SNX6: variants seen among roughly 807,000 people sequenced by gnomAD.
The protein encoded by SNX6 is sorting nexin 6, also known as sorting nexin-6.
A neutral mutation model predicts 63.0 loss-of-function variants in SNX6; 34 were observed. The ratio of observed to expected loss-of-function variants is 0.54; its 90% CI spans 0.41 to 0.72. The LOEUF (loss-of-function observed/expected upper bound fraction) is 0.72, where lower values mean the gene tolerates loss of function less well. Among genes scored for constraint, SNX6 ranks in the 30% least tolerant of loss-of-function variants. SNX6 has a pLI of 0.00. For synonymous variants in SNX6, 170 were observed against 164.2 expected (o/e 1.04, Z -0.27); for missense variants, 398 against 471.4 (o/e 0.84, Z 1.44).
chr14:34,598,907 G>A (rs1008478910), intron 6 of SNX6, among the ~76,000 whole-genome samples: 1 of 152,106 alleles, frequency 6.6e-6, no homozygotes, highest in Non-Finnish European at 1.5e-5. Flanking sequence ...AAAAATAGGT[G>A]GGGCTTTTGA....
rs190411523 is a variant in SNX6, at chr14:34,626,830, T to C, written c.54+3077A>G. Among the ~76,000 whole-genome samples, 266 of 152,322 alleles carry C rather than the reference T, an allele frequency of 1.7e-3. 4 individuals carry two copies. Among genetic ancestry groups the C allele is most frequent in the Middle Eastern group, 0.014 (4 of 294 alleles). ...AAATTAGTATTTTTACTGAACATTA[T>C]TAAGATCCTCCAAGAAAGCAAATCC... On this transcript the variant is annotated intron_variant, in intron 2 of 13. Coordinates refer to ENST00000362031, the MANE Select transcript of SNX6 (RefSeq NM_152233.4).
chr14:34,588,839 A>G (rs2138311595), intron 8 of SNX6, among the ~76,000 whole-genome samples: 1 of 152,320 alleles, frequency 6.6e-6, no homozygotes, highest in Admixed American at 6.5e-5. Context: ...ATGAAAATAT[A>G]AAGATTTTAG....
intron 2 of SNX6, among the ~76,000 whole-genome samples, chr14:34,617,590 A>G (rs1435321135): frequency 3.5e-5 from 5 of 142,496 alleles, no homozygotes; most frequent in African/African-American, 1.3e-4. Flanking sequence ...CCTGGGTGAC[A>G]GAGTGAGACC....
chr14:34,575,570 T>C (rs564179589), intron 11 of SNX6, 186 bp downstream of exon 11: 2 of 271,218 alleles, frequency 7.4e-6, no homozygotes, highest in Admixed American at 1.1e-4. Flanking sequence ...ATGTAGGGTT[T>C]CCCACATGAA....
At chr14:34,604,109 G>A (rs568926900) in intron 5 of SNX6, 57 of 1,223,180 alleles carry the variant, frequency 4.7e-5, no homozygotes, top group African/African-American at 2.2e-4. Context: ...CTTCAACTAC[G>A]TGCAAGAAGG....
rs1175937109 is a variant in SNX6 at position 34,609,653 on chromosome 14, G to T, written c.144C>A (p.Phe48Leu). 6.2e-7 allele frequency: 1 copy of T among 1,606,664 alleles called. No homozygotes were observed. ...DALSERDKVKFTVHTKSSLPN... is the reference protein window; with the variant it reads ...DALSERDKVKLTVHTKSSLPN... ...TCACATTTACCTTTGTGTGAACAGTGAATTTTACTTTATCCCGCTCACTAA... is the reference window on the plus strand; with the variant it reads ...TCACATTTACCTTTGTGTGAACAGTTAATTTTACTTTATCCCGCTCACTAA... Residue 48 changes from phenylalanine to leucine, a missense_variant, in exon 3 of 14, where the codon TTC becomes TTA. Transcript: ENST00000362031.
intron 2 of SNX6, among the ~76,000 whole-genome samples, chr14:34,626,131 A>G (rs1461734580): frequency 6.6e-6 from 1 of 152,186 alleles, no homozygotes; most frequent in African/African-American, 2.4e-5. Context: ...AACAATGATT[A>G]TGCTGTGCCC....
At chr14:34,565,246 T>C (rs1348100625) in intron 13 of SNX6, among the ~76,000 whole-genome samples, 2 of 151,052 alleles carry the variant, frequency 1.3e-5, no homozygotes, top group Non-Finnish European at 3.0e-5. Context: ...CCCGGCTAAT[T>C]TTTTGTATTT....
chr14:34,578,035 C>A (rs1004270830), intron 10 of SNX6, among the ~76,000 whole-genome samples: 1 of 144,214 alleles, frequency 6.9e-6, no homozygotes, highest in African/African-American at 2.6e-5. Flanking sequence ...GAAACCCCAC[C>A]CCCCCGTCTC....
At chr14:34,603,497 G>A in intron 5 of SNX6, 26 bp from the exon 6 acceptor site, 2 of 1,525,258 alleles carry the variant, frequency 1.3e-6, no homozygotes, top group Non-Finnish European at 1.8e-6. Context: ...AAAATTAAAG[G>A]TAAAAAACTC....
At chr14:34,594,562 A>G (rs1277119711) in intron 7 of SNX6, among the ~76,000 whole-genome samples, 1 of 151,966 alleles carries the variant, frequency 6.6e-6, no homozygotes, top group Non-Finnish European at 1.5e-5. Context: ...TCATGTTGTC[A>G]TGTTGCCCAG....
At chr14:34,578,937 C>A (rs1255615640) in intron 10 of SNX6, among the ~76,000 whole-genome samples, 9 of 22,542 alleles carry the variant, frequency 4.0e-4, no homozygotes, top group African/African-American at 6.6e-4. Context: ...GACTTCATCT[C>A]AAAAAAAAAA....
chr14:34,606,219 C>T (rs895681617), intron 4 of SNX6, among the ~76,000 whole-genome samples: 7 of 143,784 alleles, frequency 4.9e-5, no homozygotes, highest in Admixed American at 4.2e-4. Flanking sequence ...TTTTTGGAGA[C>T]GGTGTCTTGC....
At chr14:34,595,688 A>C (rs997659081) in intron 7 of SNX6, among the ~76,000 whole-genome samples, 4 of 152,234 alleles carry the variant, frequency 2.6e-5, no homozygotes, top group African/African-American at 9.6e-5. Context: ...GCCACAGCAC[A>C]TGCACTGTCA....
At chr14:34,612,334 T>A (rs920961036) in intron 2 of SNX6, among the ~76,000 whole-genome samples, 4 of 152,170 alleles carry the variant, frequency 2.6e-5, no homozygotes, top group African/African-American at 7.2e-5. Flanking sequence ...AATGTTACCT[T>A]ATATGTCAAT....
At chr14:34,603,528 G>A in intron 5 of SNX6, 57 bp from the exon 6 acceptor site, 2 of 1,436,604 alleles carry the variant, frequency 1.4e-6, no homozygotes, top group African/African-American at 1.5e-5. Flanking sequence ...AAAGTCACCT[G>A]CAACAATTTT....
At chr14:34,607,372 G>C (rs938875667) in intron 4 of SNX6, among the ~76,000 whole-genome samples, 1 of 151,836 alleles carries the variant, frequency 6.6e-6, no homozygotes, top group African/African-American at 2.4e-5. Context: ...TTGGGAGGCC[G>C]AGGCAGGGGG....
At chr14:34,615,674 T>C (rs1883392207) in intron 2 of SNX6, among the ~76,000 whole-genome samples, 1 of 151,274 alleles carries the variant, frequency 6.6e-6, no homozygotes, top group South Asian at 2.1e-4. Context: ...AGTGCAGCGG[T>C]GCAATCATTG....
intron 2 of SNX6, chr14:34,629,506 TG>T (rs1883955579): frequency 2.0e-6 from 1 of 492,810 alleles, no homozygotes; most frequent in Non-Finnish European, 4.0e-6. Context: ...AAGTTCGAGA[TG>T]TCCACACCGG....
Sources: allele counts gnomAD v4.1 joint callset (sites outside exome capture counted in the v4.1 genomes callset), GRCh38; gene constraint gnomAD v4.1.1; transcripts MANE v1.5; gene names NCBI Gene and HGNC (gene_info 2026-07-23, HGNC 2026-07-21).